NXPE2: variants seen among roughly 807,000 people sequenced by gnomAD.
NXPE2 encodes the protein NXPE family member 2.
NXPE2 carries 34 observed loss-of-function variants against 34.4 expected under a neutral mutation model. That is an observed-to-expected ratio of 0.99 (90% CI 0.75 to 1.31). NXPE2 has a LOEUF of 1.31. NXPE2 is among the 40% of genes most tolerant of loss of function. NXPE2 has a pLI of 0.00. For missense variants in NXPE2, 649 were observed against 672.5 expected (o/e 0.97, Z 0.39); for synonymous variants, 235 against 231.3 (o/e 1.02, Z -0.15).
At chr11:114,538,949 A>G in the NXPE2 span, among the ~76,000 whole-genome samples, 2 of 152,172 alleles carry the variant, frequency 1.3e-5, no homozygotes, top group South Asian at 2.1e-4. Context: ...TACCCAAAGG[A>G]TTATAAATCA....
the NXPE2 span, among the ~76,000 whole-genome samples, chr11:114,562,521 G>A: frequency 5.9e-5 from 9 of 152,154 alleles, no homozygotes; most frequent in Admixed American, 2.0e-4. Flanking sequence ...TTTCTCATCA[G>A]GATATCCAAC....
chr11:114,688,715 AG>A (rs1951091326), intron 2 of NXPE2, among the ~76,000 whole-genome samples: 1 of 151,884 alleles, frequency 6.6e-6, no homozygotes, highest in East Asian at 1.9e-4. Flanking sequence ...CATGTAATCC[AG>A]GGCTTTTTCT....
At chr11:114,573,448 T>C in the NXPE2 span, among the ~76,000 whole-genome samples, 1 of 138,616 alleles carries the variant, frequency 7.2e-6, no homozygotes, top group Admixed American at 7.3e-5. Flanking sequence ...GCCAAGTTTC[T>C]GCTGTCTTCA....
At chr11:114,600,540 A>T in the NXPE2 span, among the ~76,000 whole-genome samples, 1 of 152,240 alleles carries the variant, frequency 6.6e-6, no homozygotes, top group Admixed American at 6.5e-5. Context: ...CATAGAAAAA[A>T]ATTGAGTGAC....
the NXPE2 span, among the ~76,000 whole-genome samples, chr11:114,751,744 T>C: frequency 6.6e-6 from 1 of 152,168 alleles, no homozygotes; most frequent in Non-Finnish European, 1.5e-5. Flanking sequence ...AAAAGGGACT[T>C]TGAATCAGTG....
chr11:114,584,306 C>T, the NXPE2 span: 4 of 510,352 alleles, frequency 7.8e-6, 1 homozygote, highest in South Asian at 6.1e-5. Context: ...TCCAATATGA[C>T]TAACCAGAAC....
chr11:114,786,363 C>CCCA, the NXPE2 span, among the ~76,000 whole-genome samples: 1 of 127,052 alleles, frequency 7.9e-6, no homozygotes, highest in African/African-American at 2.9e-5. Flanking sequence ...CTACCCCCGC[C>CCCA]CCCCGCCCCA....
upstream of NXPE2, among the ~76,000 whole-genome samples, chr11:114,673,621 G>A (rs1950824782): frequency 6.6e-6 from 1 of 151,448 alleles, no homozygotes; most frequent in Non-Finnish European, 1.5e-5. Context: ...ACTAAAATCA[G>A]GAATAAAAGA....
the NXPE2 span, chr11:114,583,142 T>C: frequency 9.1e-7 from 1 of 1,093,152 alleles, no homozygotes; most frequent in Non-Finnish European, 1.3e-6. Context: ...CTTATTGTGA[T>C]TTTGAATATT....
chr11:114,649,403 G>A, the NXPE2 span, among the ~76,000 whole-genome samples: 1 of 152,184 alleles, frequency 6.6e-6, no homozygotes, highest in African/African-American at 2.4e-5. Flanking sequence ...ATTCAGCAAT[G>A]AAAAGGAATG....
chr11:114,582,279 T>C, the NXPE2 span: 1 of 1,548,940 alleles, frequency 6.5e-7, no homozygotes, highest in South Asian at 1.3e-5. Context: ...AAGAAGTAAT[T>C]ATTTTTACCT....
In NXPE2 at chr11:114,706,943, A is replaced by G. The variant is rs777952512; in HGVS notation, c.*13A>G. Reference sequence around the variant, plus strand: ...CTACATTTGTTAGAGGAAAAATACAAAAATAGCACTAGCCACTTTCTATAG... The same window carrying G: ...CTACATTTGTTAGAGGAAAAATACAGAAATAGCACTAGCCACTTTCTATAG... On this transcript the variant is annotated 3_prime_UTR_variant, in exon 6 of 6. Transcript: ENST00000389586. The G allele has an allele frequency of 6.5e-7, 1 of 1,528,310 alleles. No individual in the cohort carries two copies. Among genetic ancestry groups the G allele is most frequent in the South Asian group, 1.2e-5 (1 of 81,294 alleles). The allele number at this position is 1,528,310 out of a possible 1,614,324, so 94.7% of individuals were successfully genotyped here. A position where few individuals can be genotyped will look rare whatever the true frequency, so the allele number is the denominator to read the frequency against.
chr11:114,748,502 G>A, the NXPE2 span, among the ~76,000 whole-genome samples: 1 of 152,248 alleles, frequency 6.6e-6, no homozygotes, highest in African/African-American at 2.4e-5. Context: ...CCCTCACTCT[G>A]GCCCAATTCT....
At chr11:114,624,887 GATA>G in the NXPE2 span, among the ~76,000 whole-genome samples, 2 of 152,152 alleles carry the variant, frequency 1.3e-5, no homozygotes, top group African/African-American at 4.8e-5. Flanking sequence ...TAACCTGGTG[GATA>G]ATAAGTGTGG....
chr11:114,751,090 C>A, the NXPE2 span, among the ~76,000 whole-genome samples: 1 of 152,084 alleles, frequency 6.6e-6, no homozygotes, highest in Non-Finnish European at 1.5e-5. Flanking sequence ...TGACCACTCC[C>A]TAGTTGCTTC....
At chr11:114,483,242 T>C in the NXPE2 span, among the ~76,000 whole-genome samples, 211 of 152,352 alleles carry the variant, frequency 1.4e-3, 2 homozygotes, top group African/African-American at 4.9e-3. Flanking sequence ...ACCCCAGCTC[T>C]GCCACTCGCT....
chr11:114,678,229 C>A (rs886545790), upstream of NXPE2, among the ~76,000 whole-genome samples: 1 of 152,028 alleles, frequency 6.6e-6, no homozygotes, highest in African/African-American at 2.4e-5. Context: ...ACTAATCCTA[C>A]GTGAAAACCA....
intron 3 of NXPE2, among the ~76,000 whole-genome samples, chr11:114,700,824 C>A (rs915479427): frequency 1.3e-5 from 2 of 152,086 alleles, no homozygotes; most frequent in African/African-American, 2.4e-5. Context: ...CCACAGACCA[C>A]TTATTTTATG....
chr11:114,805,273 T>A, the NXPE2 span, among the ~76,000 whole-genome samples: 2 of 151,570 alleles, frequency 1.3e-5, no homozygotes, highest in African/African-American at 4.9e-5. Flanking sequence ...ACGCAGAAGA[T>A]GGGTGATTTC....
Sources: allele counts gnomAD v4.1 joint callset (sites outside exome capture counted in the v4.1 genomes callset), GRCh38; gene constraint gnomAD v4.1.1; transcripts MANE v1.5; gene names NCBI Gene and HGNC (gene_info 2026-07-23, HGNC 2026-07-21).